The following ZNF471 variants were observed in gnomAD, a reference collection of about 807,000 sequenced individuals.
ZNF471 encodes the protein zinc finger protein 471.
ZNF471 carries 7 observed loss-of-function variants against 13.7 expected under a neutral mutation model. The observed-to-expected ratio is 0.51, with a 90% CI of 0.29 to 0.96. The LOEUF is 0.96. Among genes scored for constraint, ZNF471 ranks in the 40% least tolerant of loss-of-function variants. ZNF471 has a pLI of 0.08. For synonymous variants in ZNF471, 218 were observed against 235.6 expected, an observed-to-expected ratio of 0.93 and a Z score of 0.68; for missense variants, 663 against 743.3, an observed-to-expected ratio of 0.89 and a Z score of 1.26.
At position 56,525,440 on chromosome 19, in the gene ZNF471, C is replaced by T. The variant is rs866891164; in HGVS notation, c.1373C>T (p.Pro458Leu). The T allele has an allele frequency of 1.4e-5, 23 of 1,613,962 alleles. No homozygotes were observed. The highest frequency in any genetic ancestry group is 4.4e-5 in the South Asian group (4 of 91,074). Residue 458 changes from proline to leucine, a missense_variant, in exon 5 of 5, where the codon CCG (proline) becomes CTG (leucine). Physicochemically the swap from Pro to Leu is moderately conservative, Grantham distance 98. Coordinates refer to ENST00000308031, the MANE Select transcript of ZNF471 (RefSeq NM_020813.4). ...QHQRVHSGEKPYECKECGKAF... is the reference protein window; with the variant it reads ...QHQRVHSGEKLYECKECGKAF... The stretch of plus-strand genomic sequence containing the variant: ...CAAAGAGTACATTCTGGAGAGAAAC[C>T]GTATGAATGCAAGGAATGTGGGAAA...
intron 1 of ZNF471, among the ~76,000 whole-genome samples, 152 bp from the exon 2 acceptor site, chr19:56,511,365 G>T (rs557586956): frequency 6.6e-6 from 1 of 151,342 alleles, no homozygotes; most frequent in Admixed American, 6.6e-5. Flanking sequence ...AAAAAAAACC[G>T]TTATGAGTTT....
intron 2 of ZNF471, among the ~76,000 whole-genome samples, chr19:56,515,867 A>C (rs73629920): frequency 0.022 from 3,424 of 152,284 alleles, 114 homozygotes; most frequent in African/African-American, 0.076. Context: ...GCATTCTTAA[A>C]CATGTTTTTA....
intron 3 of ZNF471, among the ~76,000 whole-genome samples, chr19:56,518,153 T>C (rs1485592206): frequency 6.6e-6 from 1 of 152,204 alleles, no homozygotes; most frequent in East Asian, 1.9e-4. Flanking sequence ...CTAAAGAGTA[T>C]TGATTTTTTT....
chr19:56,508,615 G>C lies in ZNF471; in HGVS notation c.-56+695G>C, dbSNP rs2043767476. Among the ~76,000 whole-genome samples the C allele has an allele frequency of 6.6e-6, 1 of 151,828 alleles. No individual in the cohort carries two copies. The highest frequency in any genetic ancestry group is 1.5e-5 in the Non-Finnish European group (1 of 68,006). The stretch of plus-strand genomic sequence containing the variant: ...GAGAGAGAGAAGAATCACCATGTAT[G>C]CGAGACTAGACTGTGCAAGAACAGA... On this transcript the variant is annotated intron_variant, in intron 1 of 4. Transcript: ENST00000308031. The surrounding 1 kb of genome is among the most constrained non-coding windows in gnomAD (Gnocchi z 4.7).
At chr19:56,517,045 C>T (rs2043897770) in intron 3 of ZNF471, among the ~76,000 whole-genome samples, 1 of 151,794 alleles carries the variant, frequency 6.6e-6, no homozygotes, top group South Asian at 2.1e-4. Flanking sequence ...TTCAGTTACA[C>T]CTATGTTAGA....
In ZNF471 at chr19:56,516,228, C is replaced by A. The variant is rs1319553592; in HGVS notation, c.34-47C>A. On this transcript the variant is annotated intron_variant, in intron 2 of 4. Transcript: ENST00000308031. This position sits in a 1 kb window ranked among gnomAD's most constrained non-coding sequence, Gnocchi z 4.4. ...ACACTTTGGATCAACTCAGAGTTAT[C>A]TTTGGACACGAGCATTGGTTGGTTA... 7 of 1,599,390 alleles carry A rather than the reference C, an allele frequency of 4.4e-6. No homozygotes were observed. Among genetic ancestry groups the A allele is most frequent in the Non-Finnish European group, 6.0e-6 (7 of 1,169,932 alleles).
Position 56,516,486 on chromosome 19 carries a change from G to T in ZNF471, c.160+85G>T. 7.9e-7 allele frequency: 1 copy of T among 1,266,554 alleles called. No individual in the cohort carries two copies. Among genetic ancestry groups the T allele is most frequent in the South Asian group, 1.6e-5 (1 of 64,312 alleles). 78.5% of individuals were successfully genotyped at this position (1,266,554 alleles called of 1,614,324 possible). A position where few individuals can be genotyped will look rare whatever the true frequency, so the allele number is the denominator to read the frequency against. On this transcript the variant is annotated intron_variant, in intron 3 of 4. Coordinates refer to ENST00000308031, the MANE Select transcript of ZNF471 (RefSeq NM_020813.4). This position sits in a 1 kb window ranked among gnomAD's most constrained non-coding sequence, Gnocchi z 4.4. ...ATTAAATTTGCTTTTATTATATGTA[G>T]GTCAGAATGGAATTTGGGAATGGAA... is the stretch of plus-strand genomic sequence containing the variant.
intron 2 of ZNF471, among the ~76,000 whole-genome samples, chr19:56,515,366 A>T (rs2043869330): frequency 6.6e-6 from 1 of 151,552 alleles, no homozygotes; most frequent in African/African-American, 2.4e-5. Flanking sequence ...AGAAGGTGAA[A>T]ACTAGAATTC....
intron 1 of ZNF471, 132 bp from the exon 2 acceptor site, chr19:56,511,385 A>C (rs752344737): frequency 1.6e-6 from 1 of 616,284 alleles, no homozygotes; most frequent in Non-Finnish European, 2.7e-6. Context: ...TTAGCCCTTC[A>C]GTGGCCATAG....
intron 1 of ZNF471, chr19:56,509,802 G>A: frequency 2.1e-6 from 2 of 969,278 alleles, no homozygotes; most frequent in Non-Finnish European, 2.5e-6. Context: ...TGTGTGAGTG[G>A]AGTAGGAGAA....
At position 56,524,316 on chromosome 19, in the gene ZNF471, T is replaced by A. The variant is rs201407695; in HGVS notation, c.257-8T>A. On this transcript the variant is annotated splice_region_variant and splice_polypyrimidine_tract_variant and intron_variant, in intron 4 of 4. Coordinates refer to ENST00000308031, the MANE Select transcript of ZNF471 (RefSeq NM_020813.4). This position sits in a 1 kb window ranked among gnomAD's most constrained non-coding sequence, Gnocchi z 4.8. ...AGGGAACATTCACTTTTTTTTAATA[T>A]CTTTCAGATTGGGAATCTATATATG... is the stretch of plus-strand genomic sequence containing the variant. 1.2e-4 allele frequency: 178 copies of A among 1,502,508 alleles called. No homozygotes were observed. Among genetic ancestry groups the A allele is most frequent in the East Asian group, 7.0e-5 (3 of 42,766 alleles). 93.1% of individuals were successfully genotyped at this position (1,502,508 alleles called of 1,614,324 possible).
chr19:56,517,903 A>AAACAAAGCCATGGGGAAGT (rs2043915762), intron 3 of ZNF471, among the ~76,000 whole-genome samples: 1 of 152,196 alleles, frequency 6.6e-6, no homozygotes, highest in South Asian at 2.1e-4. Context: ...TTTCTGAGAT[A>AAACAAAGCCATGGGGAAGT]TCCTGTGTGT....
chr19:56,516,192 C>A lies in ZNF471; in HGVS notation c.34-83C>A. ...TTCTCTTCTATGAGTTATTTCTCACCTAAAGTAGAGACACTTTGGATCAAC... is the reference window on the plus strand; with the variant it reads ...TTCTCTTCTATGAGTTATTTCTCACATAAAGTAGAGACACTTTGGATCAAC... On this transcript the variant is annotated intron_variant, in intron 2 of 4. Transcript: ENST00000308031. The surrounding 1 kb of genome is among the most constrained non-coding windows in gnomAD (Gnocchi z 4.4). 1 of 1,412,480 alleles carries A rather than the reference C, an allele frequency of 7.1e-7. No individual in the cohort carries two copies. Among genetic ancestry groups the A allele is most frequent in the Non-Finnish European group, 9.8e-7 (1 of 1,019,904 alleles). The allele number at this position is 1,412,480 out of a possible 1,614,324, so 87.5% of individuals were successfully genotyped here.
intron 2 of ZNF471, among the ~76,000 whole-genome samples, chr19:56,512,267 C>G (rs1014593390): frequency 2.0e-5 from 3 of 149,936 alleles, no homozygotes; most frequent in Non-Finnish European, 4.5e-5. Context: ...AAAATACTTT[C>G]TTCCCTTCAA....
rs187002418 is a variant in ZNF471 at position 56,508,566 on chromosome 19, T to A, written c.-56+646T>A. ...AGGCCGGTCGGTCGGTGGGTGAGGC[T>A]CAATGAGAGGCCGGTGTGTGTTCGA... On this transcript the variant is annotated intron_variant, in intron 1 of 4. Transcript: ENST00000308031. This position sits in a 1 kb window ranked among gnomAD's most constrained non-coding sequence, Gnocchi z 4.7. Among the ~76,000 whole-genome samples the A allele has an allele frequency of 7.4e-4, 112 of 151,536 alleles. No homozygotes were observed. Among genetic ancestry groups the A allele is most frequent in the African/African-American group, 2.5e-3 (102 of 41,244 alleles).
rs2043802084 is a variant in ZNF471, at chr19:56,510,994, C to CG, written c.-55-523_-55-522insG. 1 of 983,482 alleles carries CG rather than the reference C, an allele frequency of 1.0e-6. No individual in the cohort carries two copies. The highest frequency in any genetic ancestry group is 1.8e-5 in the African/African-American group (1 of 55,632). The allele number at this position is 983,482 out of a possible 1,614,324, so 60.9% of individuals were successfully genotyped here. ...TCAGGGTGAGGAAAGTGAAACAGTG[C>CG]CGGGGGGTGGGTCAGGGATGCAGTG... is the stretch of plus-strand genomic sequence containing the variant. On this transcript the variant is annotated intron_variant, in intron 1 of 4. Coordinates refer to ENST00000308031, the MANE Select transcript of ZNF471 (RefSeq NM_020813.4). This position sits in a 1 kb window ranked among gnomAD's most constrained non-coding sequence, Gnocchi z 4.3.
intron 1 of ZNF471, 63 bp from the exon 2 acceptor site, chr19:56,511,454 C>T: frequency 7.8e-7 from 1 of 1,280,572 alleles, no homozygotes; most frequent in Non-Finnish European, 1.1e-6. Flanking sequence ...CAGTTTTAGG[C>T]TAGTGATTCT....
In ZNF471 at chr19:56,518,488, G is replaced by A. The variant is rs907537450; in HGVS notation, c.167G>A (p.Cys56Tyr). ...GTCTTTTTTTTATATGTAGGTCTTT[G>A]CATTTCTAAGCCATATGTGATCTCC... is the stretch of plus-strand genomic sequence containing the variant. ...NYQSLVSLGL[C>Y]ISKPYVISLL... is the part of the protein sequence containing the mutation. Residue 56 changes from cysteine to tyrosine, a missense_variant, in exon 4 of 5, where the codon TGC becomes TAC. Coordinates refer to ENST00000308031, the MANE Select transcript of ZNF471 (RefSeq NM_020813.4). 16 of 1,611,808 alleles carry A rather than the reference G, an allele frequency of 9.9e-6. No homozygotes were observed. Among genetic ancestry groups the A allele is most frequent in the Non-Finnish European group, 1.1e-5 (13 of 1,179,220 alleles).
In ZNF471 at chr19:56,510,674, C is replaced by T; in HGVS notation, c.-55-843C>T. On this transcript the variant is annotated intron_variant, in intron 1 of 4. Transcript: ENST00000308031. The surrounding 1 kb of genome is among the most constrained non-coding windows in gnomAD (Gnocchi z 4.3). ...AGTGTTTGTATGTCACCCTGTATAC[C>T]CATAATTGTGGCCCTGTATGACTGC... 1 of 985,532 alleles carries T rather than the reference C, an allele frequency of 1.0e-6. No individual in the cohort carries two copies. The highest frequency in any genetic ancestry group is 4.7e-5 in the South Asian group (1 of 21,282). The allele number at this position is 985,532 out of a possible 1,614,324, so 61.0% of individuals were successfully genotyped here.
Sources: gnomAD v4.1 joint callset for allele counts (sites outside exome capture counted in the v4.1 genomes callset) on GRCh38, gnomAD v4.1.1 for gene constraint, Gnocchi (gnomAD v3.1) non-coding constraint, MANE v1.5 for transcripts, NCBI Gene and HGNC (gene_info 2026-07-23, HGNC 2026-07-21) for gene names.